Variants in CR1L observed in about 807,000 individuals in gnomAD.
CR1L encodes the protein complement C3b/C4b receptor 1 like.
CR1L carries 59 observed loss-of-function variants against 62.3 expected under a neutral mutation model. That is an observed-to-expected ratio of 0.95 (90% CI 0.77 to 1.18). The LOEUF (loss-of-function observed/expected upper bound fraction) is 1.18, where lower values mean the gene tolerates loss of function less well. Ranked by LOEUF, CR1L falls within the 50% of genes most tolerant of loss-of-function variation. The pLI is 0.00. For missense variants in CR1L, 700 were observed against 702.8 expected (o/e 1.00, Z 0.04); for synonymous variants, 279 against 248.7 (o/e 1.12, Z -1.15).
intron 4 of CR1L, among the ~76,000 whole-genome samples, chr1:207,686,088 C>CA (rs1663899931): frequency 3.7e-5 from 2 of 54,014 alleles, no homozygotes; most frequent in African/African-American, 1.3e-4. Flanking sequence ...CCCTCCCTTC[C>CA]TCCCTCCTTT....
chr1:207,701,563 C>T lies in CR1L; in HGVS notation c.1273C>T (p.His425Tyr), dbSNP rs1664192642. The change falls in exon 9 of 12, where the codon CAT (histidine) becomes TAT (tyrosine). Residue 425 changes from histidine to tyrosine, a missense_variant. His to Tyr is a moderately conservative substitution (Grantham distance 83). Coordinates refer to ENST00000508064, the MANE Select transcript of CR1L (RefSeq NM_175710.2). ...TPPVPVNGMV[H>Y]VITDIHVGSR... ...TCCAGTTCCAGTGAATGGCATGGTGCATGTGATCACAGACATCCATGTTGG... is the reference window on the plus strand; with the variant it reads ...TCCAGTTCCAGTGAATGGCATGGTGTATGTGATCACAGACATCCATGTTGG... The T allele has an allele frequency of 3.7e-6, 6 of 1,613,686 alleles. No homozygotes were observed. Among genetic ancestry groups the T allele is most frequent in the Admixed American group, 1.7e-5 (1 of 59,984 alleles).
At chr1:207,652,693 C>T (rs1436983071) in intron 1 of CR1L, 13 of 934,220 alleles carry the variant, frequency 1.4e-5, no homozygotes, top group East Asian at 4.8e-5. Flanking sequence ...TATTTGTGAT[C>T]GGAATCACAC....
chr1:207,690,785 A>G (rs1188990128), intron 4 of CR1L, among the ~76,000 whole-genome samples: 1 of 152,178 alleles, frequency 6.6e-6, no homozygotes. Flanking sequence ...GCTGCTGGCA[A>G]TCGTTGATGT....
At chr1:207,716,000 C>T (rs2796280) in intron 10 of CR1L, among the ~76,000 whole-genome samples, 59,238 of 152,030 alleles carry the variant, frequency 0.39, 12,272 homozygotes, top group Admixed American at 0.51. Context: ...CAGCCAAATT[C>T]TTATGTTCTT....
intron 10 of CR1L, among the ~76,000 whole-genome samples, chr1:207,712,682 C>T (rs1312108344): frequency 6.6e-6 from 1 of 152,186 alleles, no homozygotes; most frequent in Non-Finnish European, 1.5e-5. Flanking sequence ...AGACTGGACC[C>T]CTGAAGCCCC....
chr1:207,693,793 G>C (rs1365047952), intron 4 of CR1L, among the ~76,000 whole-genome samples: 2 of 151,480 alleles, frequency 1.3e-5, no homozygotes, highest in Non-Finnish European at 2.9e-5. Context: ...GGTAATTCTA[G>C]CTTTCTAAAT....
chr1:207,678,355 A>T (rs746937168), intron 3 of CR1L, 58 bp downstream of exon 3: 2 of 1,429,526 alleles, frequency 1.4e-6, no homozygotes, highest in Non-Finnish European at 2.0e-6. Flanking sequence ...ACACAGCCAT[A>T]CTACCTTCTA....
At chr1:207,657,183 AAGTATTTG>A (rs1663327861) in intron 1 of CR1L, 2 of 1,028,810 alleles carry the variant, frequency 1.9e-6, no homozygotes, top group Non-Finnish European at 1.5e-6. Context: ...AGTGAAGTAG[AAGTATTTG>A]AGTATCTTAA....
intron 10 of CR1L, chr1:207,715,351 G>T: frequency 1.3e-6 from 2 of 1,599,210 alleles, no homozygotes; most frequent in Non-Finnish European, 1.7e-6. Context: ...ATTGTGTCTT[G>T]GCTGGAATGA....
intron 5 of CR1L, among the ~76,000 whole-genome samples, chr1:207,696,751 G>A (rs1487964346): frequency 2.0e-5 from 3 of 152,294 alleles, no homozygotes; most frequent in East Asian, 3.9e-4. Flanking sequence ...TAATTTAGTT[G>A]AGACCTAAAT....
intron 11 of CR1L, among the ~76,000 whole-genome samples, chr1:207,718,935 A>T (rs1654069902): frequency 6.7e-6 from 1 of 150,306 alleles, no homozygotes; most frequent in African/African-American, 2.5e-5. Flanking sequence ...GCCATAAAAA[A>T]TGATGAGTTC....
At chr1:207,654,061 G>A (rs1663269036) in intron 1 of CR1L, among the ~76,000 whole-genome samples, 3 of 152,168 alleles carry the variant, frequency 2.0e-5, no homozygotes, top group Admixed American at 6.5e-5. Context: ...ACTCCCTCAA[G>A]AATTAATGAA....
At chr1:207,690,175 G>T (rs1663973295) in intron 4 of CR1L, among the ~76,000 whole-genome samples, 1 of 151,470 alleles carries the variant, frequency 6.6e-6, no homozygotes, top group African/African-American at 2.4e-5. Context: ...CTAAATTCTT[G>T]ATATTGATTA....
chr1:207,684,164 T>A, intron 4 of CR1L: 1 of 408,756 alleles, frequency 2.4e-6, no homozygotes, highest in Non-Finnish European at 4.3e-6. Flanking sequence ...TTTCTAATTC[T>A]AGGGGCCTAA....
chr1:207,645,140 C>A lies in CR1L; in HGVS notation c.-94C>A. ...ACTGTGAGTTTGGGGATTGTTGTGT[C>A]CACTAACCGGACTCAGAAGGGACTT... On this transcript the variant is annotated 5_prime_UTR_variant, in exon 1 of 12. Transcript: ENST00000508064. 8.3e-7 allele frequency: 1 copy of A among 1,210,470 alleles called. No homozygotes were observed. The highest frequency in any genetic ancestry group is 1.2e-6 in the Non-Finnish European group (1 of 834,622). The allele number at this position is 1,210,470 out of a possible 1,614,324, so 75.0% of individuals were successfully genotyped here. A position where few individuals can be genotyped will look rare whatever the true frequency, so the allele number is the denominator to read the frequency against.
intron 1 of CR1L, among the ~76,000 whole-genome samples, chr1:207,648,164 C>A (rs1375460573): frequency 7.3e-6 from 1 of 137,104 alleles, no homozygotes; most frequent in African/African-American, 2.8e-5. Flanking sequence ...CAGAGTGAGA[C>A]CCGGTCTCAA....
At chr1:207,706,005 G>GTA (rs1208622146) in intron 9 of CR1L, among the ~76,000 whole-genome samples, 15 of 87,932 alleles carry the variant, frequency 1.7e-4, no homozygotes, top group Non-Finnish European at 3.0e-4. Context: ...ATATATGTGT[G>GTA]TGTGTATGTA....
At chr1:207,714,424 G>A (rs1254946302) in intron 10 of CR1L, among the ~76,000 whole-genome samples, 4 of 152,162 alleles carry the variant, frequency 2.6e-5, no homozygotes, top group Non-Finnish European at 5.9e-5. Context: ...GCCAGTCCAT[G>A]GATTTACCTG....
intron 1 of CR1L, chr1:207,658,584 C>T (rs1269883570): frequency 6.5e-6 from 1 of 152,740 alleles, no homozygotes; most frequent in African/African-American, 2.4e-5. Context: ...TCCTCATCAC[C>T]AACACGCCTG....
Sources: gnomAD v4.1 joint callset for allele counts (sites outside exome capture counted in the v4.1 genomes callset) on GRCh38, gnomAD v4.1.1 for gene constraint, MANE v1.5 for transcripts, NCBI Gene and HGNC (gene_info 2026-07-23, HGNC 2026-07-21) for gene names.